The following SPATA13 variants were observed in gnomAD, a reference collection of about 807,000 sequenced individuals.
SPATA13 encodes spermatogenesis-associated protein 13.
In SPATA13, 50 loss-of-function variants were observed where a neutral mutation model predicts 104.0. The ratio of observed to expected loss-of-function variants is 0.48; its 90% confidence interval spans 0.38 to 0.61. SPATA13 has a LOEUF of 0.61. Among genes scored for constraint, SPATA13 ranks in the 20% least tolerant of loss-of-function variants. SPATA13 has a pLI of 0.00. For synonymous variants in SPATA13, 606 were observed against 667.5 expected (o/e 0.91, Z 1.42); for missense variants, 1,524 against 1,690.6 (o/e 0.90, Z 1.73).
At chr13:24,035,697 C>T (rs1461812778) in intron 3 of SPATA13, among the ~76,000 whole-genome samples, 3 of 152,170 alleles carry the variant, frequency 2.0e-5, no homozygotes, top group Non-Finnish European at 2.9e-5. Context: ...CTCTTAGTCT[C>T]AGGACTCCTT....
At chr13:24,115,329 C>T (rs1192119899) in intron 3 of SPATA13, among the ~76,000 whole-genome samples, 1 of 152,190 alleles carries the variant, frequency 6.6e-6, no homozygotes. Flanking sequence ...CAACAGGGTC[C>T]CCAGCCCACA....
chr13:24,261,766 C>T (rs956283798), intron 4 of SPATA13, among the ~76,000 whole-genome samples: 2 of 151,556 alleles, frequency 1.3e-5, no homozygotes, highest in East Asian at 1.9e-4. Context: ...GGAGGAGCTT[C>T]GTGCCCTTAA....
At chr13:24,224,706 A>G (rs1197353947) in intron 2 of SPATA13, 124 bp downstream of exon 2, 9 of 1,007,052 alleles carry the variant, frequency 8.9e-6, no homozygotes, top group Middle Eastern at 2.0e-4. Context: ...TGTTGCCCTT[A>G]CAGTATTAGT....
At chr13:24,045,658 A>G (rs1051898596) in intron 3 of SPATA13, among the ~76,000 whole-genome samples, 6 of 152,236 alleles carry the variant, frequency 3.9e-5, no homozygotes, top group Admixed American at 1.3e-4. Context: ...GAGAAGTTCA[A>G]CGGAAGAATG....
intron 1 of SPATA13, among the ~76,000 whole-genome samples, chr13:23,982,746 C>T (rs1874960870): frequency 1.3e-5 from 2 of 152,196 alleles, no homozygotes; most frequent in Non-Finnish European, 1.5e-5. Flanking sequence ...AAAACAGAAG[C>T]TCAGAGAAGT....
intron 2 of SPATA13, among the ~76,000 whole-genome samples, chr13:24,230,408 G>T (rs1019693712): frequency 1.3e-5 from 2 of 152,160 alleles, no homozygotes; most frequent in Admixed American, 1.3e-4. Flanking sequence ...AAGAACTCTG[G>T]CTGGAAAGTG....
At chr13:24,179,926 G>A (rs1868693966) in intron 1 of SPATA13, among the ~76,000 whole-genome samples, 1 of 152,170 alleles carries the variant, frequency 6.6e-6, no homozygotes, top group Admixed American at 6.5e-5. Flanking sequence ...TATCAGATAT[G>A]TAATTTACAA....
chr13:24,290,186 G>A (rs1219188885), intron 8 of SPATA13, among the ~76,000 whole-genome samples: 2 of 152,182 alleles, frequency 1.3e-5, no homozygotes, highest in Non-Finnish European at 2.9e-5. Flanking sequence ...CCAGGGTGAC[G>A]GCAGAGAATT....
rs17080092 is a variant in SPATA13, at chr13:24,122,655, A to G, written c.-111-100164A>G. The stretch of plus-strand genomic sequence containing the variant: ...TTTGCACATACTGTATATCACTTCA[A>G]GATACTTGGTGACAGACAGAAGTGT... On this transcript the variant is annotated intron_variant, in intron 3 of 14. Transcript: ENST00000424834. 7,420 of 1,134,830 alleles carry G rather than the reference A, an allele frequency of 6.5e-3. 318 individuals are homozygous for G. The African/African-American group carries it at 0.1, about 15-fold the overall frequency. 70.3% of individuals were successfully genotyped at this position (1,134,830 alleles called of 1,614,324 possible).
chr13:24,045,615 G>A (rs1410055567), intron 3 of SPATA13, among the ~76,000 whole-genome samples: 1 of 152,182 alleles, frequency 6.6e-6, no homozygotes, highest in Non-Finnish European at 1.5e-5. Flanking sequence ...ATGACAAAGG[G>A]TCATGAAATA....
At chr13:24,148,715 A>T (rs1882009943) in intron 3 of SPATA13, among the ~76,000 whole-genome samples, 1 of 152,226 alleles carries the variant, frequency 6.6e-6, no homozygotes, top group South Asian at 2.1e-4. Context: ...TTGGCATTGT[A>T]CACAAGGCTT....
intron 3 of SPATA13, among the ~76,000 whole-genome samples, chr13:24,067,156 C>A (rs573660500): frequency 6.6e-6 from 1 of 152,322 alleles, no homozygotes; most frequent in South Asian, 2.1e-4. Flanking sequence ...CTTCTCAGCC[C>A]AGGCACTGCT....
At chr13:24,116,659 C>T (rs144758463) in intron 3 of SPATA13, among the ~76,000 whole-genome samples, 1 of 152,206 alleles carries the variant, frequency 6.6e-6, no homozygotes, top group Non-Finnish European at 1.5e-5. Flanking sequence ...AATGCAAAGT[C>T]ACTGAGGTAG....
chr13:24,153,910 A>G (rs568137755), intron 3 of SPATA13, among the ~76,000 whole-genome samples: 14 of 152,322 alleles, frequency 9.2e-5, no homozygotes, highest in African/African-American at 3.4e-4. Context: ...GGAAATAAAT[A>G]TCCACCCTTT....
intron 1 of SPATA13, among the ~76,000 whole-genome samples, chr13:24,191,272 A>G (rs1379906922): frequency 6.6e-6 from 1 of 152,060 alleles, no homozygotes; most frequent in Non-Finnish European, 1.5e-5. Flanking sequence ...CATCTTGCCC[A>G]GCCATATTTT....
At chr13:24,270,163 C>G (rs536840944) in intron 4 of SPATA13, among the ~76,000 whole-genome samples, 176 of 152,082 alleles carry the variant, frequency 1.2e-3, no homozygotes, top group African/African-American at 4.0e-3. Context: ...AGTCATTTTA[C>G]AATATGAAAG....
intron 1 of SPATA13, among the ~76,000 whole-genome samples, chr13:24,185,329 G>C (rs757045360): frequency 2.0e-5 from 3 of 152,132 alleles, no homozygotes; most frequent in African/African-American, 7.2e-5. Flanking sequence ...TTATTTCTTA[G>C]TGAAGTACTG....
rs916512467 is a variant in SPATA13 at position 24,222,876 on chromosome 13, C to T, written c.-54C>T. 13 of 1,545,712 alleles carry T rather than the reference C, an allele frequency of 8.4e-6. No individual in the cohort carries two copies. The East Asian group carries it at 3.2e-4, about 38-fold the overall frequency. On this transcript the variant is annotated 5_prime_UTR_variant, in exon 2 of 13. Transcript: ENST00000382108. ...CAGGTGTGAGTGCCAGGACGGCATT[C>T]CTGGAGATGAAGGCCTGGAGCTGCG...
At chr13:23,990,464 C>G (rs974400829) in intron 2 of SPATA13, among the ~76,000 whole-genome samples, 17 of 152,152 alleles carry the variant, frequency 1.1e-4, no homozygotes, top group African/African-American at 4.1e-4. Context: ...TCAGGGTGCT[C>G]CCTTGTTTCA....
Sources: allele counts gnomAD v4.1 joint callset (sites outside exome capture counted in the v4.1 genomes callset), GRCh38; gene constraint gnomAD v4.1.1; transcripts MANE v1.5; gene names NCBI Gene and HGNC (gene_info 2026-07-23, HGNC 2026-07-21).